The following AP5M1 variants were observed in gnomAD, a reference collection of about 807,000 sequenced individuals.
The protein encoded by AP5M1 is AP-5 complex subunit mu-1.
In AP5M1, 44 loss-of-function variants were observed where a neutral mutation model predicts 52.3. The ratio of observed to expected loss-of-function variants is 0.84; its 90% CI spans 0.66 to 1.08. The LOEUF (loss-of-function observed/expected upper bound fraction) is 1.08, where lower values mean the gene tolerates loss of function less well. Ranked by LOEUF, AP5M1 falls within the 50% of genes least tolerant of loss-of-function variation. The pLI is 0.00. For missense variants in AP5M1, 526 were observed against 568.4 expected (o/e 0.93, Z 0.76); for synonymous variants, 213 against 199.0 (o/e 1.07, Z -0.59).
In AP5M1 at chr14:57,291,369, G is replaced by A. The variant is rs1290163066; in HGVS notation, c.*2485G>A. On this transcript the variant is annotated 3_prime_UTR_variant, in exon 8 of 8. Transcript: ENST00000261558. The stretch of plus-strand genomic sequence containing the variant: ...TAGGTAATTATTCTTCAATAAACTC[G>A]AAAGGTTAAAAAAAAAAGTGTTAAT... 4 of 151,076 alleles carry A rather than the reference G, an allele frequency of 2.6e-5. No individual in the cohort carries two copies. The highest frequency in any genetic ancestry group is 4.4e-5 in the Non-Finnish European group (3 of 67,664). 9.4% of individuals were successfully genotyped at this position (151,076 alleles called of 1,614,324 possible).
rs35506553 is a variant in AP5M1 at position 57,274,730 on chromosome 14, A to G, written c.561A>G (p.Ala187=). ...ATTCATTAGATAATACCAATTTTGC[A>G]TCTGTGACTCAGCCACAGAAACAGC... The part of the protein sequence containing the change: ...LQNSLDNTNF[A]SVTQPQKQPA... The change falls in exon 2 of 8, where the codon GCA becomes GCG. Residue 187 remains alanine, a synonymous_variant. Coordinates refer to ENST00000261558, the MANE Select transcript of AP5M1 (RefSeq NM_018229.4). 2.9e-4 allele frequency: 473 copies of G among 1,614,208 alleles called. No homozygotes were observed. The African/African-American group carries it at 5.1e-3, about 17-fold the overall frequency.
At chr14:57,280,697 A>G (rs1049006583) in intron 3 of AP5M1, among the ~76,000 whole-genome samples, 4 of 152,088 alleles carry the variant, frequency 2.6e-5, no homozygotes. Flanking sequence ...TAAAAATACA[A>G]AAAGTTAGCC....
chr14:57,282,661 G>A (rs1885211394), intron 4 of AP5M1, among the ~76,000 whole-genome samples: 1 of 152,118 alleles, frequency 6.6e-6, no homozygotes, highest in Non-Finnish European at 1.5e-5. Flanking sequence ...CATAGTCATT[G>A]TAGCAACCCA....
intron 2 of AP5M1, among the ~76,000 whole-genome samples, chr14:57,279,542 G>C (rs1234256828): frequency 6.6e-6 from 1 of 152,158 alleles, no homozygotes; most frequent in Non-Finnish European, 1.5e-5. Flanking sequence ...GGGGGTTAGA[G>C]GAGGGAGAGC....
chr14:57,280,568 G>C lies in AP5M1; in HGVS notation c.948+146G>C, dbSNP rs185506890. The C allele has an allele frequency of 2.4e-4, 164 of 677,714 alleles. No individual in the cohort carries two copies. In the East Asian group the frequency reaches 4.3e-3, roughly 18 times the overall value. 42.0% of individuals were successfully genotyped at this position (677,714 alleles called of 1,614,324 possible). ...ATTGATGATTGAAGATGAAGATTTA[G>C]ACCAGGCACGGTGGCTCATGCCTGT... On this transcript the variant is annotated intron_variant, in intron 3 of 7. Coordinates refer to ENST00000261558, the MANE Select transcript of AP5M1 (RefSeq NM_018229.4).
chr14:57,276,799 T>C (rs1885050460), intron 2 of AP5M1, among the ~76,000 whole-genome samples: 1 of 152,178 alleles, frequency 6.6e-6, no homozygotes, highest in Non-Finnish European at 1.5e-5. Context: ...AACTTCCTTA[T>C]TTAAAAAATG....
In AP5M1 at chr14:57,269,061, A is replaced by G; in HGVS notation, c.-254A>G. The stretch of plus-strand genomic sequence containing the variant: ...TAGAGGAAGAAAATACCGGAGTTGC[A>G]GGGTATAGGTAAATTTCTCAAGGTT... On this transcript the variant is annotated 5_prime_UTR_variant, in exon 1 of 8. Transcript: ENST00000261558. The G allele has an allele frequency of 3.6e-6, 2 of 559,540 alleles. No individual in the cohort carries two copies. Among genetic ancestry groups the G allele is most frequent in the Non-Finnish European group, 6.2e-6 (2 of 320,344 alleles). 34.7% of individuals were successfully genotyped at this position (559,540 alleles called of 1,614,324 possible).
chr14:57,277,191 G>A (rs1885059915), intron 2 of AP5M1, among the ~76,000 whole-genome samples: 1 of 150,762 alleles, frequency 6.6e-6, no homozygotes, highest in Admixed American at 6.6e-5. Context: ...ATGCCAGATT[G>A]GTTTAAAGGT....
At position 57,274,839 on chromosome 14, in the gene AP5M1, A is replaced by G; in HGVS notation, c.670A>G (p.Lys224Glu). The change falls in exon 2 of 8, where the codon AAA becomes GAA. Residue 224 changes from lysine (K) to glutamate (E), a missense_variant. This residue lies in a region of AP5M1 where 425 missense variants were observed against 430.6 expected (regional missense o/e 0.99). Transcript: ENST00000261558. ...TEKVKSMQYDKQGIADTWQVV... is the reference protein window; with the variant it reads ...TEKVKSMQYDEQGIADTWQVV... ...AAAGGTAAAATCCATGCAATATGATAAACAGGGTATAGCAGATACATGGCA... is the reference window on the plus strand; with the variant it reads ...AAAGGTAAAATCCATGCAATATGATGAACAGGGTATAGCAGATACATGGCA... The G allele has an allele frequency of 6.2e-7, 1 of 1,614,230 alleles. No individual in the cohort carries two copies. Among genetic ancestry groups the G allele is most frequent in the South Asian group, 1.1e-5 (1 of 91,092 alleles).
In AP5M1 at chr14:57,274,870, T is replaced by G; in HGVS notation, c.701T>G (p.Val234Gly). The change falls in exon 2 of 8, where the codon GTT becomes GGT. Residue 234 changes from valine (V) to glycine (G), a missense_variant. Around this residue, in one of 3 missense-constraint regions of AP5M1, gnomAD observed 425 missense variants for 430.6 expected, o/e 0.99. Coordinates refer to ENST00000261558, the MANE Select transcript of AP5M1 (RefSeq NM_018229.4). ...KQGIADTWQV[V>G]GTVTCKCDLE... The stretch of plus-strand genomic sequence containing the variant: ...GGTATAGCAGATACATGGCAAGTTG[T>G]TGGAACAGTGACTTGCAAGGTGAGA... The G allele has an allele frequency of 6.2e-7, 1 of 1,614,170 alleles. No individual in the cohort carries two copies. Among genetic ancestry groups the G allele is most frequent in the Non-Finnish European group, 8.5e-7 (1 of 1,180,004 alleles).
rs1566521664 is a variant in AP5M1, at chr14:57,290,986, T to C, written c.*2102T>C. The C allele has an allele frequency of 6.6e-6, 1 of 151,940 alleles. No individual in the cohort carries two copies. The highest frequency in any genetic ancestry group is 1.5e-5 in the Non-Finnish European group (1 of 67,882). 9.4% of individuals were successfully genotyped at this position (151,940 alleles called of 1,614,324 possible). A position where few individuals can be genotyped will look rare whatever the true frequency, so the allele number is the denominator to read the frequency against. On this transcript the variant is annotated 3_prime_UTR_variant, in exon 8 of 8. Transcript: ENST00000261558. ...TCTTTAAGGCTGGACCTTTCCTTTC[T>C]TCAGAGTCCGTTGCCACAATTAAAG... is the stretch of plus-strand genomic sequence containing the variant.
In AP5M1 at chr14:57,274,790, A is replaced by G; in HGVS notation, c.621A>G (p.Pro207=). The G allele has an allele frequency of 6.2e-7, 1 of 1,614,206 alleles. No individual in the cohort carries two copies. The highest frequency in any genetic ancestry group is 8.5e-7 in the Non-Finnish European group (1 of 1,180,030). The stretch of plus-strand genomic sequence containing the variant: ...AAACTGGGACGTACAAAGGAAAACC[A>G]CAAGTTTCTATTTCTATCACTGAAA... ...AWKTGTYKGK[P]QVSISITEKV... is the part of the protein sequence containing the mutation. Residue 207 remains proline, a synonymous_variant, in exon 2 of 8, where the codon CCA becomes CCG. Coordinates refer to ENST00000261558, the MANE Select transcript of AP5M1 (RefSeq NM_018229.4).
At position 57,296,272 on chromosome 14, in the gene AP5M1, T is replaced by C. The variant is rs1885550889; in HGVS notation, c.*7388T>C. ...GGCTGATTTTTGAAGAACTATTTTC[T>C]TAGATTTACCAACAGGACAAGTTGT... On this transcript the variant is annotated 3_prime_UTR_variant, in exon 8 of 8. Transcript: ENST00000261558. The C allele has an allele frequency of 6.6e-6, 1 of 152,042 alleles. No homozygotes were observed. The highest frequency in any genetic ancestry group is 1.5e-5 in the Non-Finnish European group (1 of 67,946). The allele number at this position is 152,042 out of a possible 1,614,324, so 9.4% of individuals were successfully genotyped here. A position where few individuals can be genotyped will look rare whatever the true frequency, so the allele number is the denominator to read the frequency against.
In AP5M1 at chr14:57,294,691, A is replaced by G. The variant is rs774323928; in HGVS notation, c.*5807A>G. The G allele has an allele frequency of 6.6e-6, 1 of 151,926 alleles. No homozygotes were observed. Among genetic ancestry groups the G allele is most frequent in the Non-Finnish European group, 1.5e-5 (1 of 67,854 alleles). The allele number at this position is 151,926 out of a possible 1,614,324, so 9.4% of individuals were successfully genotyped here. Reference sequence around the variant, plus strand: ...CTGGGGCTCTTTAAATGTTGGAACTATAGTAACACACATTCCCTCACAGAA... The same window carrying G: ...CTGGGGCTCTTTAAATGTTGGAACTGTAGTAACACACATTCCCTCACAGAA... On this transcript the variant is annotated 3_prime_UTR_variant, in exon 8 of 8. Transcript: ENST00000261558.
intron 1 of AP5M1, among the ~76,000 whole-genome samples, chr14:57,272,220 G>GT (rs1884912100): frequency 6.6e-6 from 1 of 152,082 alleles, no homozygotes; most frequent in South Asian, 2.1e-4. Context: ...ATTTAATTCT[G>GT]TATCATTGAA....
Position 57,296,319 on chromosome 14 carries a change from C to T in AP5M1, c.*7435C>T, listed in dbSNP as rs1318573215. ...TTGTCGGCCTTTTCCCACATTTCAACCTAAAAATGGTATCTATCACAGTTA... is the reference window on the plus strand; with the variant it reads ...TTGTCGGCCTTTTCCCACATTTCAATCTAAAAATGGTATCTATCACAGTTA... On this transcript the variant is annotated 3_prime_UTR_variant, in exon 8 of 8. Coordinates refer to ENST00000261558, the MANE Select transcript of AP5M1 (RefSeq NM_018229.4). 1 of 151,954 alleles carries T rather than the reference C, an allele frequency of 6.6e-6. No homozygotes were observed. Among genetic ancestry groups the T allele is most frequent in the Non-Finnish European group, 1.5e-5 (1 of 67,948 alleles). The allele number at this position is 151,954 out of a possible 1,614,324, so 9.4% of individuals were successfully genotyped here. A position where few individuals can be genotyped will look rare whatever the true frequency, so the allele number is the denominator to read the frequency against.
rs769110140 is a variant in AP5M1 at position 57,274,288 on chromosome 14, C to A, written c.119C>A (p.Ala40Glu). 8 of 1,613,964 alleles carry A rather than the reference C, an allele frequency of 5.0e-6. No individual in the cohort carries two copies. The South Asian group carries it at 8.8e-5, about 18-fold the overall frequency. ...VEKRARVFNG[A>E]SYVPVPEDGP... is the part of the protein sequence containing the mutation. ...AAACGAGCCAGAGTCTTCAATGGAGCAAGTTATGTGCCTGTTCCTGAAGAT... is the reference window on the plus strand; with the variant it reads ...AAACGAGCCAGAGTCTTCAATGGAGAAAGTTATGTGCCTGTTCCTGAAGAT... Residue 40 changes from alanine to glutamate, a missense_variant, in exon 2 of 8, where the codon GCA becomes GAA. This residue lies in a region of AP5M1 where 425 missense variants were observed against 430.6 expected (regional missense o/e 0.99). Coordinates refer to ENST00000261558, the MANE Select transcript of AP5M1 (RefSeq NM_018229.4).
chr14:57,282,696 A>G (rs1249562242), intron 4 of AP5M1, among the ~76,000 whole-genome samples: 1 of 152,228 alleles, frequency 6.6e-6, no homozygotes, highest in African/African-American at 2.4e-5. Flanking sequence ...TACATTTCGT[A>G]TGATTTCATA....
At position 57,293,191 on chromosome 14, in the gene AP5M1, T is replaced by C. The variant is rs1885477024; in HGVS notation, c.*4307T>C. On this transcript the variant is annotated 3_prime_UTR_variant, in exon 8 of 8. Coordinates refer to ENST00000261558, the MANE Select transcript of AP5M1 (RefSeq NM_018229.4). ...AATAGCAATGTCAGTCTTTATCTTG[T>C]AAGATGTCAAATCGGGATTTATTCC... 6.6e-6 allele frequency: 1 copy of C among 151,668 alleles called. No homozygotes were observed. The highest frequency in any genetic ancestry group is 1.5e-5 in the Non-Finnish European group (1 of 67,738). The allele number at this position is 151,668 out of a possible 1,614,324, so 9.4% of individuals were successfully genotyped here. A position where few individuals can be genotyped will look rare whatever the true frequency, so the allele number is the denominator to read the frequency against.
Sources: gnomAD v4.1 joint callset for allele counts (sites outside exome capture counted in the v4.1 genomes callset) on GRCh38, gnomAD v4.1.1 for gene constraint, gnomAD v4.1.1 regional missense constraint, MANE v1.5 for transcripts, NCBI Gene and HGNC (gene_info 2026-07-23, HGNC 2026-07-21) for gene names.